Variants in TNFRSF1B observed in about 807,000 individuals in gnomAD.
TNFRSF1B encodes the protein tumor necrosis factor receptor superfamily member 1B.
Under a neutral mutation model 44.6 loss-of-function variants are expected in TNFRSF1B, and 19 were observed. That is an observed-to-expected ratio of 0.43 (90% CI 0.30 to 0.62). The LOEUF (loss-of-function observed/expected upper bound fraction) is 0.62. Among genes scored for constraint, TNFRSF1B ranks in the 20% least tolerant of loss-of-function variants. The pLI, the probability that TNFRSF1B is intolerant of heterozygous loss-of-function variation, is 0.16. For synonymous variants in TNFRSF1B, 252 were observed against 261.1 expected (o/e 0.97, Z 0.34); for missense variants, 541 against 619.9 (o/e 0.87, Z 1.35).
intron 8 of TNFRSF1B, among the ~76,000 whole-genome samples, chr1:12,198,587 C>G (rs1422898354): frequency 6.6e-6 from 1 of 152,048 alleles, no homozygotes; most frequent in Non-Finnish European, 1.5e-5. Flanking sequence ...CCTGGAGGAC[C>G]TGGCCCGTGG....
In TNFRSF1B at chr1:12,186,174, C is replaced by T. The variant is rs1323924291; in HGVS notation, c.79-2622C>T. Among the ~76,000 whole-genome samples, 2 of 152,114 alleles carry T rather than the reference C, an allele frequency of 1.3e-5. No individual in the cohort carries two copies. Among genetic ancestry groups the T allele is most frequent in the South Asian group, 2.1e-4 (1 of 4,832 alleles). ...GCTGAGGGATTCCAGCTGTTGGCAC[C>T]GAGGGGTGCAGCCAGGGCAGGGTGG... On this transcript the variant is annotated intron_variant, in intron 1 of 9. Coordinates refer to ENST00000376259, the MANE Select transcript of TNFRSF1B (RefSeq NM_001066.3). This position sits in a 1 kb window ranked among gnomAD's most constrained non-coding sequence, Gnocchi z 4.8.
chr1:12,201,434 A>G (rs534127234), intron 8 of TNFRSF1B, among the ~76,000 whole-genome samples: 1 of 151,540 alleles, frequency 6.6e-6, no homozygotes, highest in Admixed American at 6.6e-5. Context: ...CTTCACAACA[A>G]CCCTATGAGG....
intron 1 of TNFRSF1B, among the ~76,000 whole-genome samples, chr1:12,174,709 G>T: frequency 6.6e-6 from 1 of 152,188 alleles, no homozygotes; most frequent in East Asian, 1.9e-4. Flanking sequence ...CCCTTCTCAG[G>T]CCCCAGGAGG....
At chr1:12,193,740 A>T (rs2101111482) in intron 6 of TNFRSF1B, among the ~76,000 whole-genome samples, 1 of 152,300 alleles carries the variant, frequency 6.6e-6, no homozygotes, top group Middle Eastern at 3.4e-3. Flanking sequence ...CTGGGGTAGA[A>T]CTGCATCAGG....
At chr1:12,167,209 C>CA in intron 1 of TNFRSF1B, 40 bp downstream of exon 1, 1 of 1,228,450 alleles carries the variant, frequency 8.1e-7, no homozygotes, top group African/African-American at 1.6e-5. Flanking sequence ...AGCCGCCCCG[C>CA]ATGTCCACCC....
rs951619189 is a variant in TNFRSF1B, at chr1:12,193,961, T to C, written c.794T>C (p.Ile265Thr). Residue 265 changes from isoleucine to threonine, a missense_variant, in exon 7 of 10, where the codon ATT becomes ACT. Ile to Thr is a moderately conservative substitution (Grantham distance 89, BLOSUM62 -1). Coordinates refer to ENST00000376259, the MANE Select transcript of TNFRSF1B (RefSeq NM_001066.3). Reference sequence around the variant, plus strand: ...GCTTCTCTTTTCTTTCTAGGACTGATTGTGGGTGTGACAGCCTTGGGTCTA... The same window carrying C: ...GCTTCTCTTTTCTTTCTAGGACTGACTGTGGGTGTGACAGCCTTGGGTCTA... ...TGDFALPVGLIVGVTALGLLI... is the reference protein window; with the variant it reads ...TGDFALPVGLTVGVTALGLLI... 1.2e-6 allele frequency: 2 copies of C among 1,613,568 alleles called. No individual in the cohort carries two copies. The highest frequency in any genetic ancestry group is 1.3e-5 in the African/African-American group (1 of 74,902).
rs762353199 is a variant in TNFRSF1B at position 12,192,544 on chromosome 1, G to A, written c.551+20G>A. 1.8e-5 allele frequency: 29 copies of A among 1,611,822 alleles called. No individual in the cohort carries two copies. The Admixed American group carries it at 4.8e-4, about 27-fold the overall frequency. ...CCAGATGTGAGTAGCTGAGTCCTTTGGTTCTGGAGGAGCAGGGAGGGGCTG... is the reference window on the plus strand; with the variant it reads ...CCAGATGTGAGTAGCTGAGTCCTTTAGTTCTGGAGGAGCAGGGAGGGGCTG... On this transcript the variant is annotated intron_variant, in intron 5 of 9. Coordinates refer to ENST00000376259, the MANE Select transcript of TNFRSF1B (RefSeq NM_001066.3).
chr1:12,202,270 T>C, intron 9 of TNFRSF1B, 99 bp downstream of exon 9: 2 of 1,478,770 alleles, frequency 1.4e-6, no homozygotes, highest in South Asian at 1.3e-5. Flanking sequence ...CCCCGCAGGG[T>C]GGGACGAGGC....
chr1:12,198,411 A>G (rs1446177813), intron 8 of TNFRSF1B, among the ~76,000 whole-genome samples: 1 of 152,148 alleles, frequency 6.6e-6, no homozygotes, highest in African/African-American at 2.4e-5. Context: ...ACACGAACCT[A>G]GGAGTGTCTC....
rs574785746 is a variant in TNFRSF1B, at chr1:12,178,985, C to T, written c.79-9811C>T. On this transcript the variant is annotated intron_variant, in intron 1 of 9. Coordinates refer to ENST00000376259, the MANE Select transcript of TNFRSF1B (RefSeq NM_001066.3). This position sits in a 1 kb window ranked among gnomAD's most constrained non-coding sequence, Gnocchi z 4.3. ...GCTGAGGGCAGCGAGGAGGAGGGGT[C>T]GTGGGAGATGGAGCAGGCGACATCA... Among the ~76,000 whole-genome samples the T allele has an allele frequency of 6.6e-6, 1 of 151,646 alleles. No homozygotes were observed. The highest frequency in any genetic ancestry group is 2.4e-5 in the African/African-American group (1 of 41,276).
rs1368029566 is a variant in TNFRSF1B, at chr1:12,207,820, A to G, written c.*800A>G. ...AGCTACTCAGAAGCCTGAGGCTGGG[A>G]AATCGTTTGAACCCGGGAAGCGGAG... On this transcript the variant is annotated 3_prime_UTR_variant, in exon 10 of 10. Coordinates refer to ENST00000376259, the MANE Select transcript of TNFRSF1B (RefSeq NM_001066.3). The G allele has an allele frequency of 2.0e-5, 3 of 152,216 alleles. No individual in the cohort carries two copies. Among genetic ancestry groups the G allele is most frequent in the African/African-American group, 7.2e-5 (3 of 41,410 alleles). 9.4% of individuals were successfully genotyped at this position (152,216 alleles called of 1,614,324 possible).
chr1:12,198,691 G>GTTTTGTTTTTTTT (rs1639322525), intron 8 of TNFRSF1B, among the ~76,000 whole-genome samples: 2 of 85,632 alleles, frequency 2.3e-5, no homozygotes, highest in African/African-American at 9.4e-5. Context: ...CTGGAATTCT[G>GTTTTGTTTTTTTT]TTTTTTTTTT....
chr1:12,183,667 T>C (rs540655082), intron 1 of TNFRSF1B, among the ~76,000 whole-genome samples: 1 of 113,400 alleles, frequency 8.8e-6, no homozygotes, highest in South Asian at 3.2e-4. Context: ...TATCTATCTA[T>C]CTATCTATCT....
chr1:12,176,220 A>T (rs1638652922), intron 1 of TNFRSF1B, among the ~76,000 whole-genome samples: 1 of 152,168 alleles, frequency 6.6e-6, no homozygotes. Flanking sequence ...CCCTGTCTCA[A>T]AAAAGCAAAA....
Position 12,167,180 on chromosome 1 carries a change from C to A in TNFRSF1B, c.78+11C>A. 7.9e-7 allele frequency: 1 copy of A among 1,264,250 alleles called. No homozygotes were observed. The highest frequency in any genetic ancestry group is 4.1e-5 in the Admixed American group (1 of 24,160). The allele number at this position is 1,264,250 out of a possible 1,614,324, so 78.3% of individuals were successfully genotyped here. Reference sequence around the variant, plus strand: ...GCCTTGCCCGCCCAGGTGGGTGACTCGCGCGGCCCACGGGGGACAGCCGCC... The same window carrying A: ...GCCTTGCCCGCCCAGGTGGGTGACTAGCGCGGCCCACGGGGGACAGCCGCC... On this transcript the variant is annotated intron_variant, in intron 1 of 9. Transcript: ENST00000376259.
chr1:12,167,018 C>G lies in TNFRSF1B; in HGVS notation c.-74C>G, dbSNP rs960473654. 2.4e-5 allele frequency: 26 copies of G among 1,095,948 alleles called. No homozygotes were observed. Among genetic ancestry groups the G allele is most frequent in the African/African-American group, 3.3e-5 (2 of 60,666 alleles). 67.9% of individuals were successfully genotyped at this position (1,095,948 alleles called of 1,614,324 possible). On this transcript the variant is annotated 5_prime_UTR_variant, in exon 1 of 10. Coordinates refer to ENST00000376259, the MANE Select transcript of TNFRSF1B (RefSeq NM_001066.3). ...TCGAGGGCTAGCGAGCGCAGCGGAG[C>G]CTGGAGAGAAGGCGCTGGGCTGCGA... is the stretch of plus-strand genomic sequence containing the variant.
chr1:12,191,710 T>C, intron 3 of TNFRSF1B, 64 bp from the exon 4 acceptor site: 1 of 1,602,980 alleles, frequency 6.2e-7, no homozygotes, highest in Non-Finnish European at 8.5e-7. Context: ...CTGGGCTGTC[T>C]GGGAGGGCAG....
Position 12,192,002 on chromosome 1 carries a change from A to T in TNFRSF1B, c.457+79A>T, listed in dbSNP as rs1359525683. On this transcript the variant is annotated intron_variant, in intron 4 of 9. Coordinates refer to ENST00000376259, the MANE Select transcript of TNFRSF1B (RefSeq NM_001066.3). The stretch of plus-strand genomic sequence containing the variant: ...ACATCCTTGCAGTGTCACGGGCATC[A>T]ACCCATTAATTAGTCCAGCAGGGAG... 6 of 1,533,436 alleles carry T rather than the reference A, an allele frequency of 3.9e-6. No individual in the cohort carries two copies. In the East Asian group the frequency reaches 1.4e-4, roughly 35 times the overall value. 95.0% of individuals were successfully genotyped at this position (1,533,436 alleles called of 1,614,324 possible). A position where few individuals can be genotyped will look rare whatever the true frequency, so the allele number is the denominator to read the frequency against.
At position 12,192,930 on chromosome 1, in the gene TNFRSF1B, C is replaced by T. The variant is rs140857317; in HGVS notation, c.619C>T (p.Arg207Trp). 44 of 1,614,054 alleles carry T rather than the reference C, an allele frequency of 2.7e-5. No individual in the cohort carries two copies. The highest frequency in any genetic ancestry group is 3.3e-4 in the Middle Eastern group (2 of 6,084). ...DAVCTSTSPT[R>W]SMAPGAVHLP... is the part of the protein sequence containing the mutation. ...AGTCTGCACGTCCACGTCCCCCACC[C>T]GGAGTATGGCCCCAGGGGCAGTACA... Residue 207 changes from arginine to tryptophan, a missense_variant, in exon 6 of 10, where the codon CGG (arginine) becomes TGG (tryptophan). Coordinates refer to ENST00000376259, the MANE Select transcript of TNFRSF1B (RefSeq NM_001066.3).
Sources: gnomAD v4.1 joint callset for allele counts (sites outside exome capture counted in the v4.1 genomes callset) on GRCh38, gnomAD v4.1.1 for gene constraint, Gnocchi (gnomAD v3.1) non-coding constraint, MANE v1.5 for transcripts, NCBI Gene and HGNC (gene_info 2026-07-23, HGNC 2026-07-21) for gene names.